LHFPL3: variants seen among roughly 807,000 people sequenced by gnomAD.
LHFPL3 encodes LHFPL tetraspan subfamily member 3.
Under a neutral mutation model 19.3 loss-of-function variants are expected in LHFPL3, and 5 were observed. That is an observed-to-expected ratio of 0.26 (90% CI 0.14 to 0.54). The LOEUF (loss-of-function observed/expected upper bound fraction) is 0.54, where lower values mean the gene tolerates loss of function less well. LHFPL3 is among the 20% of genes least tolerant of loss of function. The pLI is 0.94. For missense variants in LHFPL3, 249 were observed against 307.4 expected (o/e 0.81, Z 1.42); for synonymous variants, 133 against 126.2 (o/e 1.05, Z -0.36).
chr7:104,530,113 A>G (rs756668), intron 1 of LHFPL3, among the ~76,000 whole-genome samples: 88,085 of 152,034 alleles, frequency 0.58, 25,705 homozygotes, highest in Middle Eastern at 0.64. Context: ...TGAGTGAGGC[A>G]TTGAGATATT....
At chr7:104,384,669 G>A (rs1025023784) in intron 1 of LHFPL3, among the ~76,000 whole-genome samples, 1 of 151,332 alleles carries the variant, frequency 6.6e-6, no homozygotes, top group African/African-American at 2.4e-5. Flanking sequence ...TGCCTGTAAT[G>A]CCAGCTACTT....
At chr7:104,413,601 T>C (rs1157683443) in intron 1 of LHFPL3, among the ~76,000 whole-genome samples, 1 of 152,188 alleles carries the variant, frequency 6.6e-6, no homozygotes, top group Admixed American at 6.5e-5. Flanking sequence ...AACCAGGTCG[T>C]CTGGCTCCAG....
At chr7:104,593,031 T>C (rs999064509) in intron 1 of LHFPL3, among the ~76,000 whole-genome samples, 4 of 152,222 alleles carry the variant, frequency 2.6e-5, no homozygotes, top group African/African-American at 9.6e-5. Context: ...TTTGTGTCTC[T>C]ATTTCCTTCA....
At chr7:104,787,489 C>T (rs778310013) in intron 2 of LHFPL3, among the ~76,000 whole-genome samples, 7 of 152,150 alleles carry the variant, frequency 4.6e-5, no homozygotes, top group Non-Finnish European at 8.8e-5. Flanking sequence ...CTGAGGAAGG[C>T]CTGCTTCCAT....
chr7:104,337,395 G>A (rs932379450), intron 1 of LHFPL3, among the ~76,000 whole-genome samples: 1 of 152,138 alleles, frequency 6.6e-6, no homozygotes, highest in African/African-American at 2.4e-5. Context: ...AGGACAAGCA[G>A]AGAGCTAGAA....
chr7:104,608,135 C>T (rs1471782342), intron 1 of LHFPL3, among the ~76,000 whole-genome samples: 1 of 152,112 alleles, frequency 6.6e-6, no homozygotes, highest in Non-Finnish European at 1.5e-5. Context: ...ACCCAGCCAT[C>T]CCATTACTGG....
At chr7:104,356,845 C>T (rs1543810) in intron 1 of LHFPL3, among the ~76,000 whole-genome samples, 49,908 of 151,968 alleles carry the variant, frequency 0.33, 8,743 homozygotes, top group African/African-American at 0.44. Flanking sequence ...CCCTGGCCCA[C>T]GGACTGGTAC....
At chr7:104,374,711 ACT>A (rs1718272962) in intron 1 of LHFPL3, among the ~76,000 whole-genome samples, 1 of 151,648 alleles carries the variant, frequency 6.6e-6, no homozygotes, top group African/African-American at 2.4e-5. Context: ...TTGGTACCAA[ACT>A]CTCTGTGGTT....
intron 2 of LHFPL3, among the ~76,000 whole-genome samples, chr7:104,833,370 ATATATTATATATATAATAGG>A (rs1433254197): frequency 3.3e-4 from 2 of 6,118 alleles, no homozygotes; most frequent in East Asian, 0.014. Context: ...TAGGATATAT[ATATATTATATATATAATAGG>A]ATATATATAT....
intron 1 of LHFPL3, among the ~76,000 whole-genome samples, chr7:104,340,415 G>C (rs549578794): frequency 1.3e-3 from 200 of 152,086 alleles, no homozygotes; most frequent in Admixed American, 3.2e-3. Context: ...TATTTTCTTC[G>C]TTCTTAGGAT....
intron 1 of LHFPL3, among the ~76,000 whole-genome samples, chr7:104,403,795 C>G (rs1791364436): frequency 6.6e-6 from 1 of 150,658 alleles, no homozygotes; most frequent in Non-Finnish European, 1.5e-5. Context: ...AGGTGTCATT[C>G]CTATGCTATG....
At chr7:104,575,497 A>G (rs1185587305) in intron 1 of LHFPL3, among the ~76,000 whole-genome samples, 1 of 149,878 alleles carries the variant, frequency 6.7e-6, no homozygotes, top group Non-Finnish European at 1.5e-5. Context: ...ATTATTGGCA[A>G]ATAGGCCTAT....
chr7:104,650,052 C>T (rs1461363302), intron 1 of LHFPL3, among the ~76,000 whole-genome samples: 2 of 152,134 alleles, frequency 1.3e-5, no homozygotes, highest in Non-Finnish European at 2.9e-5. Flanking sequence ...ATCAAGGGCC[C>T]TGTTTTATTC....
intron 1 of LHFPL3, among the ~76,000 whole-genome samples, chr7:104,726,055 C>CAAAAAAAAAAA (rs56697785): frequency 6.7e-5 from 5 of 75,082 alleles, no homozygotes; most frequent in African/African-American, 2.2e-4. Flanking sequence ...CCATCTCAGG[C>CAAAAAAAAAAA]AAAAAAAAAA....
intron 2 of LHFPL3, among the ~76,000 whole-genome samples, chr7:104,889,656 A>G (rs550989422): frequency 6.6e-6 from 1 of 152,120 alleles, no homozygotes; most frequent in East Asian, 1.9e-4. Context: ...AAAAACAAGG[A>G]AAGTATTGGC....
chr7:104,514,958 G>A (rs1301053821), intron 1 of LHFPL3, among the ~76,000 whole-genome samples: 1 of 152,060 alleles, frequency 6.6e-6, no homozygotes, highest in Non-Finnish European at 1.5e-5. Context: ...CTCAATGGAA[G>A]CCCAGCCCAT....
Position 104,393,783 on chromosome 7 carries a change from A to T in LHFPL3, c.445+64559A>T, listed in dbSNP as rs569766496. Among the ~76,000 whole-genome samples the T allele has an allele frequency of 9.8e-5, 15 of 152,336 alleles. 2 individuals are homozygous for T. In the South Asian group the frequency reaches 3.1e-3, roughly 32 times the overall value. ...ATTCAGTAATAAAAAGGAATGAAGT[A>T]CTGCTGTGTGCTACAACATGAATGA... On this transcript the variant is annotated intron_variant, in intron 1 of 2. Transcript: ENST00000424859.
intron 1 of LHFPL3, among the ~76,000 whole-genome samples, chr7:104,454,011 C>T (rs150189454): frequency 1.1e-4 from 16 of 152,280 alleles, no homozygotes; most frequent in African/African-American, 3.6e-4. Flanking sequence ...TCAGATATTT[C>T]TTTATAGCAA....
At chr7:104,492,931 T>G (rs531835217) in intron 1 of LHFPL3, among the ~76,000 whole-genome samples, 2 of 152,336 alleles carry the variant, frequency 1.3e-5, no homozygotes, top group South Asian at 4.1e-4. Context: ...CACTAGATTC[T>G]TCTCTTGAGT....
Sources: gnomAD v4.1 joint callset for allele counts (sites outside exome capture counted in the v4.1 genomes callset) on GRCh38, gnomAD v4.1.1 for gene constraint, MANE v1.5 for transcripts, NCBI Gene and HGNC (gene_info 2026-07-23, HGNC 2026-07-21) for gene names.